The following PACS1 variants were observed in gnomAD, a reference collection of about 807,000 sequenced individuals.
The protein encoded by PACS1 is PACS-1.
Under a neutral mutation model 115.0 loss-of-function variants are expected in PACS1, and 24 were observed. The ratio of observed to expected loss-of-function variants is 0.21; its 90% CI spans 0.15 to 0.29. The LOEUF is 0.29. Among genes scored for constraint, PACS1 ranks in the 10% least tolerant of loss-of-function variants. The pLI is 1.00. For missense variants in PACS1, 838 were observed against 1,251.2 expected (o/e 0.67, Z 4.98); for synonymous variants, 453 against 504.5 (o/e 0.90, Z 1.37).
chr11:66,097,547 C>T (rs1857813069), intron 1 of PACS1, among the ~76,000 whole-genome samples: 1 of 152,208 alleles, frequency 6.6e-6, no homozygotes, highest in Non-Finnish European at 1.5e-5. Context: ...TCAGCCAGTA[C>T]CTTGGTGGCA....
rs553557896 is a variant in PACS1, at chr11:66,200,825, A to G, written c.444+7252A>G. Among the ~76,000 whole-genome samples, 11 of 152,186 alleles carry G rather than the reference A, an allele frequency of 7.2e-5. No individual in the cohort carries two copies. In the South Asian group the frequency reaches 2.3e-3, roughly 32 times the overall value. ...TAGATATTTACAGAACATTTCTTCCAATGGCTGCAGAATACACTTTTTTTT... is the reference window on the plus strand; with the variant it reads ...TAGATATTTACAGAACATTTCTTCCGATGGCTGCAGAATACACTTTTTTTT... On this transcript the variant is annotated intron_variant, in intron 2 of 23. Transcript: ENST00000320580.
chr11:66,150,219 A>G (rs899170898), intron 1 of PACS1, among the ~76,000 whole-genome samples: 2 of 152,204 alleles, frequency 1.3e-5, no homozygotes, highest in African/African-American at 2.4e-5. Context: ...ACAGTAATCT[A>G]TATACAGTTA....
At chr11:66,193,606 A>G (rs1565141600) in intron 2 of PACS1, 33 bp downstream of exon 2, 5 of 1,515,744 alleles carry the variant, frequency 3.3e-6, no homozygotes, top group South Asian at 1.1e-5. Flanking sequence ...TTCAGGGCCC[A>G]GGGAAGCTGG....
At position 66,070,943 on chromosome 11, in the gene PACS1, C is replaced by T. The variant is rs1273326240; in HGVS notation, c.356+101C>T. On this transcript the variant is annotated intron_variant, in intron 1 of 23. Transcript: ENST00000320580. The surrounding 1 kb of genome is among the most constrained non-coding windows in gnomAD (Gnocchi z 5.9). ...CCCATGGGGTCCCCGCCCTCCATCT[C>T]CCCGACTGTCCCGCGGCCCGGCCTG... The T allele has an allele frequency of 1.7e-6, 2 of 1,163,304 alleles. No homozygotes were observed. Among genetic ancestry groups the T allele is most frequent in the East Asian group, 3.2e-5 (1 of 30,778 alleles). 72.1% of individuals were successfully genotyped at this position (1,163,304 alleles called of 1,614,324 possible).
chr11:66,153,689 G>A (rs566844147), intron 1 of PACS1, among the ~76,000 whole-genome samples: 2 of 152,274 alleles, frequency 1.3e-5, no homozygotes, highest in Admixed American at 6.5e-5. Context: ...GCTGAGGCAG[G>A]AGAATGGCGT....
intron 7 of PACS1, chr11:66,217,119 G>A (rs1855231799): frequency 2.9e-6 from 1 of 347,428 alleles, no homozygotes; most frequent in Non-Finnish European, 5.4e-6. Flanking sequence ...GTCCTCTGCA[G>A]CGAGAAAGCC....
intron 1 of PACS1, among the ~76,000 whole-genome samples, chr11:66,139,180 A>AATAT (rs1338770184): frequency 6.6e-6 from 1 of 152,174 alleles, no homozygotes; most frequent in Non-Finnish European, 1.5e-5. Flanking sequence ...CTAAGCCCGA[A>AATAT]ATATATAAAT....
chr11:66,098,707 G>T (rs534032911), intron 1 of PACS1, among the ~76,000 whole-genome samples: 1 of 152,268 alleles, frequency 6.6e-6, no homozygotes, highest in South Asian at 2.1e-4. Context: ...ATTGCACCTA[G>T]CTGTCAGCGT....
At chr11:66,180,370 G>A (rs888205455) in intron 1 of PACS1, among the ~76,000 whole-genome samples, 2 of 149,644 alleles carry the variant, frequency 1.3e-5, no homozygotes, top group South Asian at 2.1e-4. Context: ...TTGTGTGTGT[G>A]TGTGAAACGG....
At chr11:66,240,237 T>C (rs1855784238) in intron 21 of PACS1, among the ~76,000 whole-genome samples, 1 of 152,102 alleles carries the variant, frequency 6.6e-6, no homozygotes, top group African/African-American at 2.4e-5. Flanking sequence ...AGCAGTGATA[T>C]AGCAGGAGGC....
chr11:66,115,022 T>C (rs1052091564), intron 1 of PACS1, among the ~76,000 whole-genome samples: 1 of 151,320 alleles, frequency 6.6e-6, no homozygotes, highest in African/African-American at 2.4e-5. Flanking sequence ...CTGGGTAACA[T>C]AGGGAGACCC....
intron 13 of PACS1, 123 bp downstream of exon 13, chr11:66,231,063 CA>C: frequency 2.4e-6 from 3 of 1,233,462 alleles, no homozygotes; most frequent in Non-Finnish European, 2.3e-6. Context: ...ATGCTCTGAA[CA>C]AAAACTCTTG....
chr11:66,118,738 G>T (rs141624609), intron 1 of PACS1, among the ~76,000 whole-genome samples: 2,686 of 133,726 alleles, frequency 0.02, 30 homozygotes, highest in Middle Eastern at 0.075. Context: ...ACCAGCCTGG[G>T]CTTAGGCAAC....
chr11:66,104,805 CCT>C (rs1857998476), intron 1 of PACS1, among the ~76,000 whole-genome samples: 1 of 152,088 alleles, frequency 6.6e-6, no homozygotes, highest in Non-Finnish European at 1.5e-5. Flanking sequence ...AATCTTTCTG[CCT>C]CTGTTTATTA....
At chr11:66,119,862 T>A (rs1169407609) in intron 1 of PACS1, among the ~76,000 whole-genome samples, 1 of 152,088 alleles carries the variant, frequency 6.6e-6, no homozygotes, top group Admixed American at 6.5e-5. Context: ...CTCTAAATGG[T>A]AGGATTGTTT....
At chr11:66,133,709 C>T (rs748051675) in intron 1 of PACS1, among the ~76,000 whole-genome samples, 11 of 152,124 alleles carry the variant, frequency 7.2e-5, no homozygotes, top group Non-Finnish European at 8.8e-5. Context: ...CCACATCTGT[C>T]GGTCAGACTG....
intron 2 of PACS1, 79 bp downstream of exon 2, chr11:66,193,652 C>A: frequency 1.1e-6 from 1 of 919,734 alleles, no homozygotes; most frequent in Non-Finnish European, 1.8e-6. Context: ...TTCAGAAACA[C>A]TACTGGGACC....
chr11:66,223,150 T>A (rs1855394525), intron 10 of PACS1, among the ~76,000 whole-genome samples: 1 of 151,616 alleles, frequency 6.6e-6, no homozygotes, highest in Non-Finnish European at 1.5e-5. Flanking sequence ...AGGAGTGCAA[T>A]GGAGCGATCT....
chr11:66,165,976 T>C (rs1430561071), intron 1 of PACS1, among the ~76,000 whole-genome samples: 2 of 152,048 alleles, frequency 1.3e-5, no homozygotes, highest in East Asian at 3.9e-4. Flanking sequence ...CTGTTTCCAC[T>C]CTCCCCTTTC....
Sources: allele counts gnomAD v4.1 joint callset (sites outside exome capture counted in the v4.1 genomes callset), GRCh38; gene constraint gnomAD v4.1.1; non-coding constraint Gnocchi (gnomAD v3.1); transcripts MANE v1.5; gene names NCBI Gene and HGNC (gene_info 2026-07-23, HGNC 2026-07-21).